DPYD: variants seen among roughly 807,000 people sequenced by gnomAD.
The protein encoded by DPYD is dihydropyrimidine dehydrogenase [NADP(+)].
In DPYD, 109 loss-of-function variants were observed where a neutral mutation model predicts 116.2. The ratio of observed to expected loss-of-function variants is 0.94; its 90% CI spans 0.80 to 1.10. The LOEUF (loss-of-function observed/expected upper bound fraction) is 1.10, where lower values mean the gene tolerates loss of function less well. DPYD is among the 50% of genes least tolerant of loss of function. The pLI is 0.00. For missense variants in DPYD, 1,302 were observed against 1,254.5 expected, an observed-to-expected ratio of 1.04 and a Z score of -0.57; for synonymous variants, 440 against 432.0, an observed-to-expected ratio of 1.02 and a Z score of -0.23.
chr1:97,380,742 G>C (rs1425476662), intron 15 of DPYD, among the ~76,000 whole-genome samples: 1 of 152,102 alleles, frequency 6.6e-6, no homozygotes, highest in Non-Finnish European at 1.5e-5. Context: ...GTATATGTTA[G>C]GTAGTACAGT....
chr1:97,362,568 G>C lies in DPYD; in HGVS notation c.2058+10993C>G, dbSNP rs1419988602. ...CTTCAAACTCTATTACAAGGCTACA[G>C]TAACCAAGACAGCATGATACTGGTA... On this transcript the variant is annotated intron_variant, in intron 16 of 22. Transcript: ENST00000370192. Among the ~76,000 whole-genome samples the C allele has an allele frequency of 1.6e-4, 24 of 152,188 alleles. 1 individual carries two copies. Among genetic ancestry groups the C allele is most frequent in the Non-Finnish European group, 2.8e-4 (19 of 68,028 alleles).
chr1:97,472,457 T>C (rs1295645555), intron 13 of DPYD, among the ~76,000 whole-genome samples: 4 of 152,238 alleles, frequency 2.6e-5, no homozygotes, highest in African/African-American at 4.8e-5. Context: ...GTACACTTTC[T>C]TCCTTAGGCA....
chr1:97,790,305 A>C (rs1169737279), intron 3 of DPYD, among the ~76,000 whole-genome samples: 5 of 152,196 alleles, frequency 3.3e-5, no homozygotes, highest in Non-Finnish European at 7.3e-5. Context: ...GTTGCTGCTA[A>C]AAGAGGTCAC....
intron 5 of DPYD, among the ~76,000 whole-genome samples, chr1:97,705,705 C>A (rs1280847827): frequency 6.6e-6 from 1 of 152,122 alleles, no homozygotes; most frequent in Non-Finnish European, 1.5e-5. Flanking sequence ...TGAGGAATCG[C>A]CACACCGACT....
At chr1:97,464,090 A>T (rs1195232243) in intron 13 of DPYD, among the ~76,000 whole-genome samples, 1 of 151,762 alleles carries the variant, frequency 6.6e-6, no homozygotes, top group Non-Finnish European at 1.5e-5. Flanking sequence ...AATACAAAAA[A>T]TAGCTGGATG....
Position 97,587,406 on chromosome 1 carries a change from G to C in DPYD, c.1128+5812C>G, listed in dbSNP as rs529959392. On this transcript the variant is annotated intron_variant, in intron 10 of 22. Coordinates refer to ENST00000370192, the MANE Select transcript of DPYD (RefSeq NM_000110.4). ...AGGTGCCAAACGTTGAAGAACTGCTGTAAGCATCACTTTTAGTAAATAAAA... is the reference window on the plus strand; with the variant it reads ...AGGTGCCAAACGTTGAAGAACTGCTCTAAGCATCACTTTTAGTAAATAAAA... Among the ~76,000 whole-genome samples the C allele has an allele frequency of 9.8e-5, 15 of 152,318 alleles. No individual in the cohort carries two copies. In the East Asian group the frequency reaches 2.5e-3, roughly 25 times the overall value.
intron 1 of DPYD, among the ~76,000 whole-genome samples, chr1:97,903,300 A>G (rs1171644246): frequency 1.3e-5 from 2 of 151,948 alleles, no homozygotes; most frequent in African/African-American, 4.8e-5. Flanking sequence ...GTTTTACTGA[A>G]TATAATACAT....
At chr1:97,137,546 C>T (rs1258610538) in intron 20 of DPYD, among the ~76,000 whole-genome samples, 2 of 152,104 alleles carry the variant, frequency 1.3e-5, no homozygotes, top group African/African-American at 4.8e-5. Flanking sequence ...CAGGGAAAGA[C>T]AATTTCTCTC....
At chr1:97,383,019 C>A (rs1557673094) in intron 14 of DPYD, among the ~76,000 whole-genome samples, 1 of 152,052 alleles carries the variant, frequency 6.6e-6, no homozygotes, top group Non-Finnish European at 1.5e-5. Context: ...TTACAGAAAT[C>A]CCATAATGGA....
intron 3 of DPYD, among the ~76,000 whole-genome samples, chr1:97,804,006 G>T (rs1284150130): frequency 6.6e-6 from 1 of 151,664 alleles, no homozygotes; most frequent in Non-Finnish European, 1.5e-5. Flanking sequence ...CATTTAAATG[G>T]TTTTAAATCG....
chr1:97,548,654 T>C (rs2102080466), intron 12 of DPYD, among the ~76,000 whole-genome samples: 1 of 152,252 alleles, frequency 6.6e-6, no homozygotes, highest in Non-Finnish European at 1.5e-5. Context: ...AAGAATTGCT[T>C]GAACCCAGGA....
intron 2 of DPYD, among the ~76,000 whole-genome samples, chr1:97,837,983 T>C (rs1669849238): frequency 6.6e-6 from 1 of 152,126 alleles, no homozygotes; most frequent in South Asian, 2.1e-4. Context: ...TCTATATTTC[T>C]TATTAAGTAT....
At chr1:97,550,256 T>C (rs568152989) in intron 11 of DPYD, among the ~76,000 whole-genome samples, 3 of 152,202 alleles carry the variant, frequency 2.0e-5, no homozygotes, top group African/African-American at 7.2e-5. Flanking sequence ...CATTAAATTA[T>C]TTGCACTTAC....
At chr1:97,837,270 G>A (rs1031269845) in intron 2 of DPYD, among the ~76,000 whole-genome samples, 4 of 151,986 alleles carry the variant, frequency 2.6e-5, no homozygotes, top group African/African-American at 9.7e-5. Flanking sequence ...CCATAAACGG[G>A]TGTCTTATGT....
At chr1:97,353,805 G>A (rs1008363100) in intron 16 of DPYD, among the ~76,000 whole-genome samples, 1 of 152,102 alleles carries the variant, frequency 6.6e-6, no homozygotes, top group African/African-American at 2.4e-5. Flanking sequence ...TCCACAAATA[G>A]CACTGTCTTC....
chr1:97,235,093 G>C, intron 18 of DPYD, 99 bp from the exon 19 acceptor site: 2 of 1,425,080 alleles, frequency 1.4e-6, no homozygotes, highest in Non-Finnish European at 2.0e-6. Flanking sequence ...AGCGTCACTG[G>C]ACAAATTTCA....
intron 20 of DPYD, among the ~76,000 whole-genome samples, chr1:97,131,869 CT>C (rs147176023): frequency 3.9e-5 from 6 of 152,018 alleles, no homozygotes; most frequent in African/African-American, 1.4e-4. Flanking sequence ...CTAGGGTTAC[CT>C]TTTTTTGTAT....
intron 3 of DPYD, among the ~76,000 whole-genome samples, chr1:97,824,560 G>T (rs539638678): frequency 2.0e-5 from 3 of 152,184 alleles, no homozygotes; most frequent in African/African-American, 7.2e-5. Context: ...TGTGGCTGAG[G>T]GCTCTCACAC....
chr1:97,754,239 T>C (rs559473316), intron 3 of DPYD, among the ~76,000 whole-genome samples: 1 of 152,250 alleles, frequency 6.6e-6, no homozygotes, highest in Admixed American at 6.5e-5. Context: ...GACCTATTCA[T>C]TAAGAGAAGA....
Sources: gnomAD v4.1 joint callset for allele counts (sites outside exome capture counted in the v4.1 genomes callset) on GRCh38, gnomAD v4.1.1 for gene constraint, MANE v1.5 for transcripts, NCBI Gene and HGNC (gene_info 2026-07-23, HGNC 2026-07-21) for gene names.